The following TEKTL1 variants were observed in gnomAD, a reference collection of about 807,000 sequenced individuals.
TEKTL1 encodes tektin like 1, also known as tektin-like protein 1.
chr19:15,021,812 CTG>C, the TEKTL1 span: 2 of 1,614,114 alleles, frequency 1.2e-6, no homozygotes, highest in South Asian at 2.2e-5. Context: ...CCAGGGTCCT[CTG>C]TCGAAAGTTC....
At chr19:15,017,527 CAG>C in the TEKTL1 span, among the ~76,000 whole-genome samples, 1 of 152,046 alleles carries the variant, frequency 6.6e-6, no homozygotes, top group Non-Finnish European at 1.5e-5. Flanking sequence ...GGGGGGAACT[CAG>C]AGAATAGCAG....
chr19:15,023,077 G>A, the TEKTL1 span: 10 of 1,608,920 alleles, frequency 6.2e-6, no homozygotes, highest in Middle Eastern at 3.3e-4. Flanking sequence ...ACTGGGACCC[G>A]CGCACGCCGC....
At chr19:15,020,588 C>T in the TEKTL1 span, 74 of 1,614,116 alleles carry the variant, frequency 4.6e-5, no homozygotes, top group East Asian at 1.5e-3. Context: ...GTGAACCTCT[C>T]CCGAGCCCCC....
the TEKTL1 span, chr19:15,013,897 A>AT: frequency 1.6e-6 from 1 of 638,958 alleles, no homozygotes; most frequent in East Asian, 2.7e-5. Context: ...CACTGACCAG[A>AT]TATTCACTGC....
the TEKTL1 span, among the ~76,000 whole-genome samples, chr19:15,014,621 C>T: frequency 2.0e-5 from 3 of 150,540 alleles, no homozygotes; most frequent in Non-Finnish European, 4.4e-5. Context: ...TTATATTTCA[C>T]GTAGCAAAGC....
chr19:15,015,883 T>C, the TEKTL1 span, among the ~76,000 whole-genome samples: 1 of 152,206 alleles, frequency 6.6e-6, no homozygotes, highest in Admixed American at 6.5e-5. Flanking sequence ...CCTCTCTTGA[T>C]CTACATGCCC....
the TEKTL1 span, chr19:15,020,595 C>T: frequency 6.2e-7 from 1 of 1,614,114 alleles, no homozygotes; most frequent in South Asian, 1.1e-5. Flanking sequence ...TCTCCCGAGC[C>T]CCCACTCCAC....
At chr19:15,022,503 A>C in the TEKTL1 span, among the ~76,000 whole-genome samples, 1 of 151,608 alleles carries the variant, frequency 6.6e-6, no homozygotes, top group Non-Finnish European at 1.5e-5. Flanking sequence ...TAATTTTTGT[A>C]TTTTTAGTAG....
the TEKTL1 span, chr19:15,020,615 G>A: frequency 6.2e-7 from 1 of 1,614,008 alleles, no homozygotes; most frequent in East Asian, 2.2e-5. Context: ...CGCACACAGG[G>A]TCAGAAAACG....
chr19:15,015,901 T>C, the TEKTL1 span, among the ~76,000 whole-genome samples: 2 of 152,186 alleles, frequency 1.3e-5, no homozygotes, highest in African/African-American at 4.8e-5. Context: ...CCCCTCTAGA[T>C]ACCCATTTCT....
chr19:15,017,001 GTTTGAGGCCAGGAA>G, the TEKTL1 span, among the ~76,000 whole-genome samples: 2 of 152,174 alleles, frequency 1.3e-5, no homozygotes, highest in Non-Finnish European at 1.5e-5. Flanking sequence ...GAGGCCAGGA[GTTTGAGGCCAGGAA>G]TTTGAGGCCA....
the TEKTL1 span, chr19:15,013,742 A>G: frequency 1.2e-6 from 2 of 1,613,560 alleles, no homozygotes; most frequent in African/African-American, 2.7e-5. Context: ...AGGAAAATGG[A>G]GAGAGATATG....
the TEKTL1 span, among the ~76,000 whole-genome samples, chr19:15,014,916 G>T: frequency 3.9e-5 from 6 of 152,158 alleles, no homozygotes; most frequent in Admixed American, 6.5e-5. Flanking sequence ...GAGGGAAATG[G>T]ATCATGCCCA....
the TEKTL1 span, among the ~76,000 whole-genome samples, chr19:15,016,787 C>A: frequency 6.6e-6 from 1 of 152,148 alleles, no homozygotes; most frequent in African/African-American, 2.4e-5. Flanking sequence ...TCAACTTGGC[C>A]AGTGTGCCAT....
the TEKTL1 span, among the ~76,000 whole-genome samples, chr19:15,018,717 T>A: frequency 2.9e-4 from 32 of 108,548 alleles, 2 homozygotes; most frequent in African/African-American, 1.1e-3. Flanking sequence ...TATCTCAAAA[T>A]ATGTATATAT....
At chr19:15,010,733 T>C in the TEKTL1 span, 22 of 1,365,578 alleles carry the variant, frequency 1.6e-5, no homozygotes, top group Admixed American at 2.7e-5. Context: ...CTCAGTACAC[T>C]GTCTCTACAG....
the TEKTL1 span, among the ~76,000 whole-genome samples, chr19:15,016,151 A>G: frequency 6.7e-6 from 1 of 148,788 alleles, no homozygotes; most frequent in African/African-American, 2.5e-5. Flanking sequence ...GGACTGGTGG[A>G]ACGCTGTCCG....
At chr19:15,015,912 C>G in the TEKTL1 span, among the ~76,000 whole-genome samples, 4 of 152,232 alleles carry the variant, frequency 2.6e-5, no homozygotes, top group Admixed American at 6.5e-5. Context: ...ACCCATTTCT[C>G]TAGTCCACTG....
At chr19:15,013,641 C>G in the TEKTL1 span, 11 of 1,522,104 alleles carry the variant, frequency 7.2e-6, no homozygotes, top group Non-Finnish European at 1.0e-5. Flanking sequence ...CCTTTCTTAA[C>G]GATGTGAGGG....
Sources: allele counts gnomAD v4.1 joint callset (sites outside exome capture counted in the v4.1 genomes callset), GRCh38; gene constraint gnomAD v4.1.1; transcripts MANE v1.5; gene names NCBI Gene and HGNC (gene_info 2026-07-23, HGNC 2026-07-21).